The following PTK6 variants were observed in gnomAD, a reference collection of about 807,000 sequenced individuals.
PTK6 encodes the protein protein-tyrosine kinase 6.
A neutral mutation model predicts 47.5 loss-of-function variants in PTK6; 47 were observed. The observed-to-expected ratio is 0.99, with a 90% CI of 0.78 to 1.26. The LOEUF (loss-of-function observed/expected upper bound fraction) is 1.26. Ranked by LOEUF, PTK6 falls within the 50% of genes most tolerant of loss-of-function variation. PTK6 has a pLI of 0.00. For missense variants in PTK6, 618 were observed against 625.3 expected (o/e 0.99, Z 0.12); for synonymous variants, 287 against 276.5 (o/e 1.04, Z -0.38).
rs1248954559 is a variant in PTK6 at position 63,532,651 on chromosome 20, A to G, written c.707T>C (p.Ile236Thr). Reference sequence around the variant, plus strand: ...GTGCCGCAGCTTCTTCATGGCCTGGATCTCCGACTGCAGCATCTGCTGGTG... The same window carrying G: ...GTGCCGCAGCTTCTTCATGGCCTGGGTCTCCGACTGCAGCATCTGCTGGTG... ...LLHQQMLQSE[I>T]QAMKKLRHKH... Residue 236 changes from isoleucine (I) to threonine (T), a missense_variant, in exon 5 of 8, where the codon ATC becomes ACC. Ile to Thr is a moderately conservative substitution (Grantham distance 89). Coordinates refer to ENST00000542869, the MANE Select transcript of PTK6 (RefSeq NM_005975.4). The G allele has an allele frequency of 1.2e-6, 2 of 1,614,022 alleles. No homozygotes were observed. The highest frequency in any genetic ancestry group is 3.3e-5 in the Admixed American group (2 of 60,028).
intron 2 of PTK6, 44 bp from the exon 3 acceptor site, chr20:63,534,359 G>T: frequency 6.5e-7 from 1 of 1,530,906 alleles, no homozygotes; most frequent in Non-Finnish European, 8.8e-7. Context: ...CAACTCCGAC[G>T]CCTCCCTGCG....
Position 63,537,159 on chromosome 20 carries a change from C to G in PTK6, c.156G>C (p.Glu52Asp). Reference sequence around the variant, plus strand: ...AGCCCTGGGCCACGGCCCCACCCGCCTCGTCCAGCAGCGTGGCCCACCACC... The same window carrying G: ...AGCCCTGGGCCACGGCCCCACCCGCGTCGTCCAGCAGCGTGGCCCACCACC... ...EQWWWATLLDEAGGAVAQGYV... is the reference protein window; with the variant it reads ...EQWWWATLLDDAGGAVAQGYV... Residue 52 changes from glutamate to aspartate, a missense_variant, in exon 1 of 8, where the codon GAG becomes GAC. Coordinates refer to ENST00000542869, the MANE Select transcript of PTK6 (RefSeq NM_005975.4). The G allele has an allele frequency of 6.2e-7, 1 of 1,612,066 alleles. No individual in the cohort carries two copies. Among genetic ancestry groups the G allele is most frequent in the Non-Finnish European group, 8.5e-7 (1 of 1,179,754 alleles).
At position 63,530,706 on chromosome 20, in the gene PTK6, C is replaced by G; in HGVS notation, c.1014+40G>C. 1 of 1,603,644 alleles carries G rather than the reference C, an allele frequency of 6.2e-7. No individual in the cohort carries two copies. The highest frequency in any genetic ancestry group is 1.1e-5 in the South Asian group (1 of 90,492). On this transcript the variant is annotated intron_variant, in intron 6 of 7. Coordinates refer to ENST00000542869, the MANE Select transcript of PTK6 (RefSeq NM_005975.4). This position sits in a 1 kb window ranked among gnomAD's most constrained non-coding sequence, Gnocchi z 4.1. ...GGAAGCCCCCAGCCCTCCGGCCACGCCCCGGCCACGACCCCAGCCACGCCC... is the reference window on the plus strand; with the variant it reads ...GGAAGCCCCCAGCCCTCCGGCCACGGCCCGGCCACGACCCCAGCCACGCCC...
intron 5 of PTK6, among the ~76,000 whole-genome samples, chr20:63,532,240 C>G (rs533025392): frequency 2.8e-5 from 4 of 141,956 alleles, no homozygotes; most frequent in South Asian, 2.2e-4. Flanking sequence ...TTTTGTGTGT[C>G]TCTGTGTGTG....
rs1309678530 is a variant in PTK6, at chr20:63,530,133, C to A, written c.1113G>T (p.Trp371Cys). The change falls in exon 7 of 8, where the codon TGG (tryptophan) becomes TGT (cysteine). Residue 371 changes from tryptophan to cysteine, a missense_variant. Coordinates refer to ENST00000542869, the MANE Select transcript of PTK6 (RefSeq NM_005975.4). This position sits in a 1 kb window ranked among gnomAD's most constrained non-coding sequence, Gnocchi z 4.1. ...RGHYSTKSDV[W>C]SFGILLHEMF... ...TCTCATGCAGGAGAATCCCAAAGGACCAGACGTCGGATTTGGTGGAGTAAT... is the reference window on the plus strand; with the variant it reads ...TCTCATGCAGGAGAATCCCAAAGGAACAGACGTCGGATTTGGTGGAGTAAT... The A allele has an allele frequency of 1.2e-6, 2 of 1,614,116 alleles. No individual in the cohort carries two copies. Among genetic ancestry groups the A allele is most frequent in the Non-Finnish European group, 1.7e-6 (2 of 1,180,020 alleles).
Position 63,532,598 on chromosome 20 carries a change from C to T in PTK6, c.760G>A (p.Val254Met). Reference protein sequence around the residue: ...HKHILALYAVVSVGDPVYIIT... With the variant: ...HKHILALYAVMSVGDPVYIIT... ...ATGTACACGGGGTCCCCCACGGACA[C>T]CACGGCGTACAGCGCCAGGATGTGT... is the stretch of plus-strand genomic sequence containing the variant. Residue 254 changes from valine (V) to methionine (M), a missense_variant, in exon 5 of 8, where the codon GTG becomes ATG. Coordinates refer to ENST00000542869, the MANE Select transcript of PTK6 (RefSeq NM_005975.4). The T allele has an allele frequency of 6.2e-7, 1 of 1,614,098 alleles. No individual in the cohort carries two copies. The highest frequency in any genetic ancestry group is 8.5e-7 in the Non-Finnish European group (1 of 1,180,018).
intron 5 of PTK6, among the ~76,000 whole-genome samples, chr20:63,531,773 T>C (rs1293831404): frequency 6.6e-6 from 1 of 152,218 alleles, no homozygotes; most frequent in South Asian, 2.1e-4. Flanking sequence ...AACAGGAGAA[T>C]GGCTGTCAGC....
rs145525201 is a variant in PTK6 at position 63,530,845 on chromosome 20, C to T, written c.915G>A (p.Ser305=). Residue 305 remains serine (S), a synonymous_variant, in exon 6 of 8, where the codon TCG becomes TCA. Coordinates refer to ENST00000542869, the MANE Select transcript of PTK6 (RefSeq NM_005975.4). The surrounding 1 kb of genome is among the most constrained non-coding windows in gnomAD (Gnocchi z 4.1). ...QVAEGMCYLE[S]QNYIHRDLAA... ...CCAGGTCCCGGTGGATGTAATTCTG[C>T]GACTCCAGGTAACACATGCCCTCAG... 1.4e-4 allele frequency: 234 copies of T among 1,613,982 alleles called. No homozygotes were observed. The highest frequency in any genetic ancestry group is 1.3e-4 in the Non-Finnish European group (150 of 1,179,956).
In PTK6 at chr20:63,533,066, C is replaced by A. The variant is rs796846793; in HGVS notation, c.671-379G>T. Among the ~76,000 whole-genome samples the A allele has an allele frequency of 2.7e-5, 4 of 149,188 alleles. No individual in the cohort carries two copies. The highest frequency in any genetic ancestry group is 5.9e-5 in the Non-Finnish European group (4 of 67,896). On this transcript the variant is annotated intron_variant, in intron 4 of 7. Transcript: ENST00000542869. This position sits in a 1 kb window ranked among gnomAD's most constrained non-coding sequence, Gnocchi z 4.0. ...CAAGGATTTTAAATTTTCTTTCTTT[C>A]TTTCTTTTTTTTTTTTCCCAAGACG... is the stretch of plus-strand genomic sequence containing the variant.
chr20:63,534,391 C>G, intron 2 of PTK6, 76 bp from the exon 3 acceptor site: 2 of 1,471,454 alleles, frequency 1.4e-6, no homozygotes, highest in Non-Finnish European at 9.0e-7. Context: ...GCTGGCCACA[C>G]CTGCGCAGAG....
At position 63,533,646 on chromosome 20, in the gene PTK6, G is replaced by A. The variant is rs200799038; in HGVS notation, c.575C>T (p.Thr192Met). 68 of 1,613,708 alleles carry A rather than the reference G, an allele frequency of 4.2e-5. No individual in the cohort carries two copies. The Middle Eastern group carries it at 6.6e-4, about 16-fold the overall frequency. ...GCCGGACCCCAGCTTCCTGCAGAGC[G>A]TGAACTCCTCCCTCGGCCTCTCCCA... Reference protein sequence around the residue: ...DDWERPREEFTLCRKLGSGYF... With the variant: ...DDWERPREEFMLCRKLGSGYF... Residue 192 changes from threonine (T) to methionine (M), a missense_variant, in exon 4 of 8, where the codon ACG becomes ATG. Physicochemically the swap from Thr to Met is moderately conservative, Grantham distance 81. Coordinates refer to ENST00000542869, the MANE Select transcript of PTK6 (RefSeq NM_005975.4). This position sits in a 1 kb window ranked among gnomAD's most constrained non-coding sequence, Gnocchi z 4.0.
rs1305947229 is a variant in PTK6 at position 63,534,269 on chromosome 20, G to C, written c.399C>G (p.Ala133=). The stretch of plus-strand genomic sequence containing the variant: ...CCTCGTTCAGGTGCAGCCGGCCCCC[G>C]GCACGCCGCCAGATCTTGTAGTGCC... The part of the protein sequence containing the change: ...AVRHYKIWRR[A]GGRLHLNEAV... The change falls in exon 3 of 8, where the codon GCC becomes GCG. Residue 133 remains alanine (A), a synonymous_variant. Transcript: ENST00000542869. 2.5e-6 allele frequency: 4 copies of C among 1,608,822 alleles called. No individual in the cohort carries two copies. Among genetic ancestry groups the C allele is most frequent in the Non-Finnish European group, 3.4e-6 (4 of 1,178,706 alleles).
rs574498831 is a variant in PTK6 at position 63,535,033 on chromosome 20, G to T, written c.257C>A (p.Ser86Ter). ...EPWFFGCISR[S>*]EAVRRLQAEG... ...GGCCTGCAGCCGACGCACAGCTTCC[G>T]AGCGGGAGATGCAGCCAAAGAACCA... The change falls in exon 2 of 8, where the codon TCG becomes TAG. Residue 86 changes from serine to a stop codon, truncating the protein, a stop_gained. Coordinates refer to ENST00000542869, the MANE Select transcript of PTK6 (RefSeq NM_005975.4). LOFTEE classifies it high-confidence loss of function. The T allele has an allele frequency of 2.5e-6, 4 of 1,605,636 alleles. No individual in the cohort carries two copies. Among genetic ancestry groups the T allele is most frequent in the South Asian group, 1.1e-5 (1 of 90,798 alleles).
chr20:63,534,806 G>A (rs976349254), intron 2 of PTK6, 132 bp downstream of exon 2: 28 of 1,334,492 alleles, frequency 2.1e-5, no homozygotes, highest in Non-Finnish European at 2.0e-6. Flanking sequence ...GGGCGGAGGG[G>A]ATGGGAGCTC....
chr20:63,532,784 C>T, intron 4 of PTK6, 97 bp from the exon 5 acceptor site: 1 of 1,468,276 alleles, frequency 6.8e-7, no homozygotes, highest in East Asian at 2.4e-5. Flanking sequence ...AGCCATCACA[C>T]CCAGCAGCTG....
At chr20:63,531,042 G>T in intron 5 of PTK6, 115 bp from the exon 6 acceptor site, 1 of 1,018,202 alleles carries the variant, frequency 9.8e-7, no homozygotes, top group Non-Finnish European at 1.4e-6. Flanking sequence ...CTCAGAGGAG[G>T]GGCCGGGGCA....
chr20:63,531,583 C>G (rs1323487414), intron 5 of PTK6, among the ~76,000 whole-genome samples: 1 of 149,438 alleles, frequency 6.7e-6, no homozygotes, highest in Non-Finnish European at 1.5e-5. Flanking sequence ...CCATTGCACT[C>G]CAGCCTGGGC....
rs1250157389 is a variant in PTK6, at chr20:63,530,475, C to T, written c.1015-244G>A. 6.6e-6 allele frequency among the ~76,000 whole-genome samples: 1 copy of T among 152,204 alleles called. No individual in the cohort carries two copies. Among genetic ancestry groups the T allele is most frequent in the Non-Finnish European group, 1.5e-5 (1 of 68,024 alleles). Reference sequence around the variant, plus strand: ...CCGGGGGACAGGGAACTGGGAGGCTCCCAGGCCGTCAGAGGGGCCCAGGGC... The same window carrying T: ...CCGGGGGACAGGGAACTGGGAGGCTTCCAGGCCGTCAGAGGGGCCCAGGGC... On this transcript the variant is annotated intron_variant, in intron 6 of 7. Transcript: ENST00000542869. The surrounding 1 kb of genome is among the most constrained non-coding windows in gnomAD (Gnocchi z 4.1).
chr20:63,534,652 G>A (rs1459116475), intron 2 of PTK6, among the ~76,000 whole-genome samples: 3 of 152,144 alleles, frequency 2.0e-5, no homozygotes, highest in South Asian at 2.1e-4. Context: ...CATGCTGGGC[G>A]AGGTTCCCAT....
Sources: allele counts gnomAD v4.1 joint callset (sites outside exome capture counted in the v4.1 genomes callset), GRCh38; gene constraint gnomAD v4.1.1; non-coding constraint Gnocchi (gnomAD v3.1); transcripts MANE v1.5; gene names NCBI Gene and HGNC (gene_info 2026-07-23, HGNC 2026-07-21).